The following ADAM22 variants were observed in gnomAD, a reference collection of about 807,000 sequenced individuals.
ADAM22 encodes the protein disintegrin and metalloproteinase domain-containing protein 22.
Under a neutral mutation model 144.6 loss-of-function variants are expected in ADAM22, and 65 were observed. The ratio of observed to expected loss-of-function variants is 0.45; its 90% CI spans 0.37 to 0.55. The LOEUF is 0.55. ADAM22 is among the 20% of genes least tolerant of loss of function. ADAM22 has a pLI of 0.00. For synonymous variants in ADAM22, 391 were observed against 412.6 expected (o/e 0.95, Z 0.63); for missense variants, 974 against 1,184.9 (o/e 0.82, Z 2.61).
chr7:88,143,312 G>T (rs1835359538), intron 15 of ADAM22, among the ~76,000 whole-genome samples, 187 bp downstream of exon 15: 1 of 152,178 alleles, frequency 6.6e-6, no homozygotes, highest in Admixed American at 6.5e-5. Context: ...GGGCTATTCT[G>T]ATGGGAATAG....
At chr7:88,050,484 C>CAAAAA (rs111631002) in intron 3 of ADAM22, among the ~76,000 whole-genome samples, 3 of 117,260 alleles carry the variant, frequency 2.6e-5, no homozygotes, top group Non-Finnish European at 5.4e-5. Context: ...CAGGATAACT[C>CAAAAA]AAAAAAAAAA....
chr7:87,998,697 C>A (rs1350501608), intron 3 of ADAM22, among the ~76,000 whole-genome samples: 1 of 152,088 alleles, frequency 6.6e-6, no homozygotes, highest in African/African-American at 2.4e-5. Context: ...CCGAGAGTCT[C>A]CCTATTTTAA....
rs776278818 is a variant in ADAM22, at chr7:88,075,673, G to A, written c.371G>A (p.Gly124Asp). ...ATAGAGAGACACATTGAACATGGAG[G>A]CAAGACTGTGGAAGTTAAAGTAAGT... ...EYIERHIEHG[G>D]KTVEVKGGEH... The change falls in exon 4 of 32, where the codon GGC becomes GAC. Residue 124 changes from glycine to aspartate, a missense_variant. Physicochemically the swap from Gly to Asp is moderately conservative, Grantham distance 94. Around this residue, in one of 2 missense-constraint regions of ADAM22, gnomAD observed 240 missense variants for 234.3 expected, o/e 1.02. Transcript: ENST00000413139. The A allele has an allele frequency of 5.0e-6, 8 of 1,613,734 alleles. No individual in the cohort carries two copies. The South Asian group carries it at 8.8e-5, about 18-fold the overall frequency.
intron 23 of ADAM22, among the ~76,000 whole-genome samples, chr7:88,164,537 A>G (rs2299203): frequency 0.13 from 19,072 of 152,030 alleles, 1,871 homozygotes; most frequent in East Asian, 0.48. Flanking sequence ...TCATGTAGTT[A>G]GGAGTGTGGG....
intron 3 of ADAM22, among the ~76,000 whole-genome samples, chr7:88,005,658 C>A (rs1793638219): frequency 6.6e-6 from 1 of 152,110 alleles, no homozygotes; most frequent in African/African-American, 2.4e-5. Flanking sequence ...GATGCTAAAT[C>A]TGTCACATTA....
chr7:88,131,564 G>C lies in ADAM22; in HGVS notation c.992+129G>C, dbSNP rs1046552275. The C allele has an allele frequency of 7.3e-6, 7 of 953,740 alleles. No individual in the cohort carries two copies. The African/African-American group carries it at 1.2e-4, about 16-fold the overall frequency. The allele number at this position is 953,740 out of a possible 1,614,324, so 59.1% of individuals were successfully genotyped here. A position where few individuals can be genotyped will look rare whatever the true frequency, so the allele number is the denominator to read the frequency against. ...GACATGGCAGATGGCAGATAGATTT[G>C]GAAAAAGTTTTCAAGTATAGATTGC... On this transcript the variant is annotated intron_variant, in intron 11 of 31. Transcript: ENST00000413139.
intron 3 of ADAM22, among the ~76,000 whole-genome samples, chr7:87,994,682 A>G (rs994551806): frequency 2.6e-5 from 4 of 152,158 alleles, no homozygotes; most frequent in African/African-American, 9.7e-5. Flanking sequence ...ACAAAGCTTA[A>G]TAGAGGTCAC....
intron 3 of ADAM22, among the ~76,000 whole-genome samples, chr7:88,067,393 C>A (rs1230812510): frequency 6.6e-6 from 1 of 151,680 alleles, no homozygotes; most frequent in Non-Finnish European, 1.5e-5. Flanking sequence ...CTAACCCTCC[C>A]TCCTCCCCCC....
intron 3 of ADAM22, among the ~76,000 whole-genome samples, chr7:88,029,240 A>T (rs1369265070): frequency 6.6e-6 from 1 of 150,378 alleles, no homozygotes; most frequent in African/African-American, 2.4e-5. Context: ...TTTTTTGTGT[A>T]TTTGTTATAT....
At chr7:88,114,743 T>A in intron 6 of ADAM22, 96 bp downstream of exon 6, 2 of 1,198,796 alleles carry the variant, frequency 1.7e-6, no homozygotes, top group Non-Finnish European at 2.4e-6. Context: ...TTCATTTTTA[T>A]ATTTTTTAGG....
chr7:87,964,872 A>G (rs942318379), intron 2 of ADAM22, among the ~76,000 whole-genome samples: 2 of 152,188 alleles, frequency 1.3e-5, no homozygotes, highest in African/African-American at 2.4e-5. Flanking sequence ...GGGCAGATTT[A>G]TGTCATACTG....
intron 2 of ADAM22, among the ~76,000 whole-genome samples, chr7:87,959,673 A>G (rs1252748173): frequency 6.6e-6 from 1 of 152,244 alleles, no homozygotes; most frequent in Admixed American, 6.5e-5. Flanking sequence ...GCAAATCAAA[A>G]GGAACAGACA....
intron 4 of ADAM22, among the ~76,000 whole-genome samples, chr7:88,102,103 C>G (rs543513732): frequency 6.6e-6 from 1 of 152,294 alleles, no homozygotes; most frequent in East Asian, 1.9e-4. Flanking sequence ...TCATCATGAA[C>G]TATCACATAA....
At position 88,163,033 on chromosome 7, in the gene ADAM22, A is replaced by G. The variant is rs776316809; in HGVS notation, c.1929A>G (p.Glu643=). 38 of 1,610,010 alleles carry G rather than the reference A, an allele frequency of 2.4e-5. 1 individual carries two copies. The South Asian group carries it at 4.2e-4, about 18-fold the overall frequency. The part of the protein sequence containing the change: ...LNCSGGHVKL[E]EDVDLGYVED... ...TTAGTGGTGGGCATGTTAAGCTTGA[A>G]GAAGATGTAGATCTTGGCTATGTGG... Residue 643 remains glutamate, a synonymous_variant, in exon 23 of 32, where the codon GAA becomes GAG. Transcript: ENST00000413139.
chr7:88,164,447 C>T (rs1842495566), intron 23 of ADAM22, among the ~76,000 whole-genome samples: 1 of 151,878 alleles, frequency 6.6e-6, no homozygotes, highest in African/African-American at 2.4e-5. Flanking sequence ...GTAATTTTAA[C>T]TTACAGCAAC....
intron 26 of ADAM22, among the ~76,000 whole-genome samples, chr7:88,172,394 G>T (rs1432923606): frequency 3.3e-5 from 5 of 151,774 alleles, no homozygotes; most frequent in African/African-American, 9.7e-5. Context: ...ACCTAGACCA[G>T]GTCTTACACA....
chr7:88,148,830 T>C, intron 17 of ADAM22, 147 bp from the exon 18 acceptor site: 5 of 562,658 alleles, frequency 8.9e-6, no homozygotes, highest in Non-Finnish European at 1.6e-5. Flanking sequence ...AAAATTTTTT[T>C]CAGTAACTGT....
chr7:87,995,081 G>A (rs948189744), intron 3 of ADAM22, among the ~76,000 whole-genome samples: 6 of 152,178 alleles, frequency 3.9e-5, no homozygotes, highest in Non-Finnish European at 7.3e-5. Context: ...GCCTCCCAAA[G>A]TGCTGGGATT....
chr7:88,017,702 C>T (rs1796854131), intron 3 of ADAM22, among the ~76,000 whole-genome samples: 1 of 152,002 alleles, frequency 6.6e-6, no homozygotes, highest in Non-Finnish European at 1.5e-5. Flanking sequence ...CGTCCATCTC[C>T]TGTATAAGTA....
Sources: gnomAD v4.1 joint callset for allele counts (sites outside exome capture counted in the v4.1 genomes callset) on GRCh38, gnomAD v4.1.1 for gene constraint, gnomAD v4.1.1 regional missense constraint, MANE v1.5 for transcripts, NCBI Gene and HGNC (gene_info 2026-07-23, HGNC 2026-07-21) for gene names.